GRID2: variants seen among roughly 807,000 people sequenced by gnomAD.
The protein encoded by GRID2 is glutamate receptor ionotropic, delta-2.
In GRID2, 33 loss-of-function variants were observed where a neutral mutation model predicts 114.8. The observed-to-expected ratio is 0.29, with a 90% CI of 0.22 to 0.38. The LOEUF (loss-of-function observed/expected upper bound fraction) is 0.38. Among genes scored for constraint, GRID2 ranks in the 10% least tolerant of loss-of-function variants. The probability of loss-of-function intolerance (pLI) is 1.00; values close to 1 mark genes in which losing one functional copy is unlikely to be tolerated. For missense variants in GRID2, 1,184 were observed against 1,257.7 expected, an observed-to-expected ratio of 0.94 and a Z score of 0.89; for synonymous variants, 505 against 449.9, an observed-to-expected ratio of 1.12 and a Z score of -1.55.
chr4:93,634,403 A>T (rs1721227617), intron 14 of GRID2, among the ~76,000 whole-genome samples: 1 of 152,182 alleles, frequency 6.6e-6, no homozygotes, highest in Non-Finnish European at 1.5e-5. Flanking sequence ...TTAGGTAGAG[A>T]AACTAAAATT....
intron 2 of GRID2, among the ~76,000 whole-genome samples, chr4:92,646,533 T>C (rs1333715923): frequency 1.3e-5 from 2 of 152,058 alleles, no homozygotes; most frequent in African/African-American, 4.8e-5. Flanking sequence ...CATCTAGAAA[T>C]GCTATAGTTT....
At chr4:93,422,158 T>C (rs1768353314) in intron 9 of GRID2, among the ~76,000 whole-genome samples, 1 of 152,192 alleles carries the variant, frequency 6.6e-6, no homozygotes, top group South Asian at 2.1e-4. Flanking sequence ...ACCAATTTGC[T>C]AAATTTACTA....
chr4:92,722,274 CT>C (rs1308435384), intron 2 of GRID2, among the ~76,000 whole-genome samples: 1 of 152,078 alleles, frequency 6.6e-6, no homozygotes, highest in Non-Finnish European at 1.5e-5. Flanking sequence ...GCTACAAACA[CT>C]TTAGAAGAGT....
intron 6 of GRID2, among the ~76,000 whole-genome samples, chr4:93,222,446 C>CT (rs938414451): frequency 4.7e-5 from 7 of 150,238 alleles, no homozygotes; most frequent in East Asian, 2.0e-4. Flanking sequence ...CCCCAACAAT[C>CT]TTTTTTTTAA....
chr4:92,933,747 T>A (rs1260329327), intron 2 of GRID2, among the ~76,000 whole-genome samples: 1 of 151,632 alleles, frequency 6.6e-6, no homozygotes, highest in East Asian at 1.9e-4. Context: ...ATGGCAACCC[T>A]CCCACCAAAA....
chr4:92,571,759 T>C (rs544589065), intron 1 of GRID2, among the ~76,000 whole-genome samples: 169 of 152,244 alleles, frequency 1.1e-3, no homozygotes, highest in Middle Eastern at 3.4e-3. Context: ...ACATGGAAAC[T>C]GAACAACCTG....
chr4:93,021,600 T>TTATATATTATTTATATATTG (rs1723327287), intron 2 of GRID2, among the ~76,000 whole-genome samples: 5 of 145,638 alleles, frequency 3.4e-5, no homozygotes, highest in African/African-American at 1.2e-4. Context: ...TATCTTAATC[T>TTATATATTATTTATATATTG]TATATATTAT....
At chr4:93,554,132 A>T (rs1453955866) in intron 13 of GRID2, among the ~76,000 whole-genome samples, 2 of 152,302 alleles carry the variant, frequency 1.3e-5, no homozygotes, top group East Asian at 1.9e-4. Flanking sequence ...TACTATTAGT[A>T]TGTTGAAGAA....
At chr4:93,309,967 A>G (rs1755842422) in intron 8 of GRID2, among the ~76,000 whole-genome samples, 2 of 152,110 alleles carry the variant, frequency 1.3e-5, no homozygotes, top group Non-Finnish European at 1.5e-5. Context: ...GGGTGTATAT[A>G]TGCTTACTGC....
intron 1 of GRID2, among the ~76,000 whole-genome samples, chr4:92,575,486 G>C (rs78524736): frequency 6.6e-6 from 1 of 152,068 alleles, no homozygotes; most frequent in Non-Finnish European, 1.5e-5. Context: ...CTGACTTTTC[G>C]ATGGGTTTTT....
intron 2 of GRID2, among the ~76,000 whole-genome samples, chr4:92,684,388 T>C (rs904994126): frequency 2.6e-5 from 4 of 152,048 alleles, no homozygotes; most frequent in African/African-American, 9.7e-5. Flanking sequence ...TTGTACAGTG[T>C]AATTTTATTA....
chr4:92,945,010 G>T (rs575918843), intron 2 of GRID2, among the ~76,000 whole-genome samples: 1 of 152,186 alleles, frequency 6.6e-6, no homozygotes, highest in East Asian at 1.9e-4. Context: ...TTGCTTTTGT[G>T]TATATTGATT....
chr4:93,592,502 G>C (rs541827670), intron 13 of GRID2, among the ~76,000 whole-genome samples: 2 of 152,124 alleles, frequency 1.3e-5, no homozygotes, highest in African/African-American at 2.4e-5. Flanking sequence ...TGGAATAGGT[G>C]TGGTGTGGTG....
At chr4:93,672,542 G>T (rs1008085659) in intron 14 of GRID2, among the ~76,000 whole-genome samples, 1 of 152,196 alleles carries the variant, frequency 6.6e-6, no homozygotes, top group African/African-American at 2.4e-5. Flanking sequence ...TTCACCCTGT[G>T]CTACACAAAT....
At chr4:93,750,242 T>C (rs1009202312) in intron 14 of GRID2, among the ~76,000 whole-genome samples, 2 of 152,162 alleles carry the variant, frequency 1.3e-5, no homozygotes, top group African/African-American at 4.8e-5. Context: ...ATAAGAAAAC[T>C]TCCAAGGAAA....
chr4:93,684,717 G>A (rs948717442), intron 14 of GRID2, among the ~76,000 whole-genome samples: 3 of 152,010 alleles, frequency 2.0e-5, no homozygotes, highest in African/African-American at 7.2e-5. Context: ...CAGATATCAC[G>A]TGGGGAGTGG....
At chr4:93,631,623 C>T (rs994164919) in intron 14 of GRID2, among the ~76,000 whole-genome samples, 1 of 152,162 alleles carries the variant, frequency 6.6e-6, no homozygotes, top group Non-Finnish European at 1.5e-5. Context: ...CATTGTTGGA[C>T]ATTTGGCTTG....
chr4:92,797,532 A>T (rs983537744), intron 2 of GRID2, among the ~76,000 whole-genome samples: 5 of 151,986 alleles, frequency 3.3e-5, no homozygotes, highest in African/African-American at 1.2e-4. Context: ...ATATATTTTT[A>T]AGTTAACGTA....
chr4:93,275,153 G>A (rs1031053971), intron 8 of GRID2, among the ~76,000 whole-genome samples: 1 of 151,690 alleles, frequency 6.6e-6, no homozygotes, highest in Non-Finnish European at 1.5e-5. Flanking sequence ...TTCACATAAA[G>A]GGAAACATAT....
Sources: gnomAD v4.1 joint callset for allele counts (sites outside exome capture counted in the v4.1 genomes callset) on GRCh38, gnomAD v4.1.1 for gene constraint, MANE v1.5 for transcripts, NCBI Gene and HGNC (gene_info 2026-07-23, HGNC 2026-07-21) for gene names.